Variants in TENM4 observed in about 807,000 individuals in gnomAD.
TENM4 encodes the protein teneurin-4.
A neutral mutation model predicts 243.3 loss-of-function variants in TENM4; 82 were observed. The ratio of observed to expected loss-of-function variants is 0.34; its 90% CI spans 0.28 to 0.40. The LOEUF (loss-of-function observed/expected upper bound fraction) is 0.40, where lower values mean the gene tolerates loss of function less well. TENM4 is among the 10% of genes least tolerant of loss of function. The pLI is 1.00. For missense variants in TENM4, 3,138 were observed against 3,673.3 expected (o/e 0.85, Z 3.77); for synonymous variants, 1,412 against 1,456.3 (o/e 0.97, Z 0.69).
chr11:78,779,372 T>A (rs76612694), intron 16 of TENM4, among the ~76,000 whole-genome samples: 4,058 of 152,320 alleles, frequency 0.027, 186 homozygotes, highest in African/African-American at 0.094. Flanking sequence ...CACTTCTCAA[T>A]GCTTATTAAC....
intron 1 of TENM4, among the ~76,000 whole-genome samples, chr11:79,341,198 G>A (rs1857236037): frequency 6.6e-6 from 1 of 152,198 alleles, no homozygotes; most frequent in Admixed American, 6.5e-5. Context: ...TCCGATCTCA[G>A]GAACTATAAG....
At chr11:78,936,711 T>A (rs1856792953) in intron 6 of TENM4, among the ~76,000 whole-genome samples, 1 of 152,220 alleles carries the variant, frequency 6.6e-6, no homozygotes. Flanking sequence ...AACCAGCAGA[T>A]GTGACAAGAT....
intron 1 of TENM4, among the ~76,000 whole-genome samples, chr11:79,306,452 G>A (rs1856627536): frequency 6.6e-6 from 1 of 152,200 alleles, no homozygotes; most frequent in African/African-American, 2.4e-5. Flanking sequence ...GGGAAGGTGT[G>A]TGGGGAAAGT....
rs78597165 is a variant in TENM4 at position 79,107,640 on chromosome 11, C to T, written c.-65-37631G>A. Among the ~76,000 whole-genome samples the T allele has an allele frequency of 3.4e-3, 515 of 152,312 alleles. 12 individuals carry two copies. Among genetic ancestry groups the T allele is most frequent in the East Asian group, 0.023 (121 of 5,174 alleles). On this transcript the variant is annotated intron_variant, in intron 4 of 33. Coordinates refer to ENST00000278550, the MANE Select transcript of TENM4 (RefSeq NM_001098816.3). ...AAAGATAATGACTTTCCTCAAAGAA[C>T]CTTCCCAGTGGTCTCAGATCACTCC...
In TENM4 at chr11:78,692,339, G is replaced by A. The variant is rs1240018940; in HGVS notation, c.5088-4113C>T. On this transcript the variant is annotated intron_variant, in intron 28 of 33. Coordinates refer to ENST00000278550, the MANE Select transcript of TENM4 (RefSeq NM_001098816.3). Reference sequence around the variant, plus strand: ...CTAGAGGACGGGCACTTGGCTCTGTGTTCCTCCTAACTATCAAGTCTCCAC... The same window carrying A: ...CTAGAGGACGGGCACTTGGCTCTGTATTCCTCCTAACTATCAAGTCTCCAC... 2.0e-5 allele frequency among the ~76,000 whole-genome samples: 3 copies of A among 152,126 alleles called. No homozygotes were observed. In the East Asian group the frequency reaches 5.8e-4, roughly 29 times the overall value.
At chr11:78,743,132 A>G (rs995799635) in intron 19 of TENM4, among the ~76,000 whole-genome samples, 2 of 152,220 alleles carry the variant, frequency 1.3e-5, no homozygotes, top group African/African-American at 4.8e-5. Context: ...AATGGAGCTC[A>G]TGCAATACTT....
chr11:79,358,612 T>C (rs997397961), intron 1 of TENM4, among the ~76,000 whole-genome samples: 2 of 151,896 alleles, frequency 1.3e-5, no homozygotes, highest in African/African-American at 4.8e-5. Flanking sequence ...CTTCCCTTCC[T>C]CCCTTCCTGC....
intron 1 of TENM4, among the ~76,000 whole-genome samples, chr11:79,394,291 T>A (rs570393282): frequency 1.3e-5 from 2 of 152,260 alleles, no homozygotes; most frequent in East Asian, 3.9e-4. Flanking sequence ...CCTGTGGGGA[T>A]GTGAGGAGGG....
rs557346585 is a variant in TENM4, at chr11:78,903,318, G to T, written c.699C>A (p.Ala233=). Residue 233 remains alanine (A), a synonymous_variant, in exon 7 of 34, where the codon GCC becomes GCA. Transcript: ENST00000278550. ...EPPAGGAQEP[A]HAQENWLLNS... ...TGAGCAGCCAGTTCTCCTGGGCGTG[G>T]GCAGGCTCCTGGGCGCCGCCGGCAG... The T allele has an allele frequency of 2.0e-6, 3 of 1,483,722 alleles. No homozygotes were observed. The highest frequency in any genetic ancestry group is 1.5e-5 in the African/African-American group (1 of 68,020). The allele number at this position is 1,483,722 out of a possible 1,614,324, so 91.9% of individuals were successfully genotyped here.
At chr11:79,275,243 C>G (rs1277472) in intron 2 of TENM4, among the ~76,000 whole-genome samples, 78,814 of 128,640 alleles carry the variant, frequency 0.61, 20,854 homozygotes, top group African/African-American at 0.68. Flanking sequence ...GTGTGTGTGT[C>G]TGTGTGTGCG....
chr11:79,160,569 C>G (rs149819961), intron 3 of TENM4, among the ~76,000 whole-genome samples: 1 of 152,040 alleles, frequency 6.6e-6, no homozygotes, highest in Non-Finnish European at 1.5e-5. Flanking sequence ...GAAGAAAAAG[C>G]GGCCCATCTC....
At chr11:79,231,788 C>T (rs1212166951) in intron 2 of TENM4, among the ~76,000 whole-genome samples, 1 of 152,180 alleles carries the variant, frequency 6.6e-6, no homozygotes. Flanking sequence ...AATGAATACT[C>T]CAAGAGGGGG....
chr11:79,026,461 T>C (rs541496763), intron 6 of TENM4, among the ~76,000 whole-genome samples: 1 of 152,254 alleles, frequency 6.6e-6, no homozygotes, highest in Admixed American at 6.5e-5. Flanking sequence ...CATAGGACTA[T>C]TTTCTACCAA....
chr11:78,942,259 CAAAAAAAAAAAAAAAAAAAAAAAA>C (rs56973257), intron 6 of TENM4, among the ~76,000 whole-genome samples: 4 of 11,194 alleles, frequency 3.6e-4, no homozygotes, highest in Non-Finnish European at 5.0e-4. Context: ...CAAAATACAC[CAAAAAAAAAAAAAAAAAAAAAAAA>C]AAAAAAAAAA....
At chr11:79,057,138 C>T (rs1198782261) in intron 6 of TENM4, among the ~76,000 whole-genome samples, 1 of 152,192 alleles carries the variant, frequency 6.6e-6, no homozygotes, top group East Asian at 1.9e-4. Context: ...GCAATAGCTG[C>T]CTACTTCAGC....
rs534827443 is a variant in TENM4, at chr11:79,127,384, T to C, written c.-66+21326A>G. On this transcript the variant is annotated intron_variant, in intron 4 of 33. Transcript: ENST00000278550. ...ACAGATGGATCTTGGAGAATAATAG[T>C]GGATTATTGTAAACTTAACCAAGTA... Among the ~76,000 whole-genome samples, 4 of 149,752 alleles carry C rather than the reference T, an allele frequency of 2.7e-5. No homozygotes were observed. In the South Asian group the frequency reaches 8.4e-4, roughly 31 times the overall value.
intron 3 of TENM4, among the ~76,000 whole-genome samples, chr11:79,179,477 T>C (rs775542356): frequency 1.3e-5 from 2 of 152,238 alleles, no homozygotes; most frequent in Non-Finnish European, 2.9e-5. Flanking sequence ...GCTAATAAAC[T>C]GTTTTAGATA....
At chr11:78,761,632 G>C (rs1856432528) in intron 18 of TENM4, among the ~76,000 whole-genome samples, 2 of 152,068 alleles carry the variant, frequency 1.3e-5, no homozygotes, top group African/African-American at 4.8e-5. Flanking sequence ...TGGGGTTCTA[G>C]GACTGCTCTA....
Position 79,011,185 on chromosome 11 carries a change from C to T in TENM4, c.493+53553G>A, listed in dbSNP as rs572706242. Among the ~76,000 whole-genome samples, 9 of 152,350 alleles carry T rather than the reference C, an allele frequency of 5.9e-5. No individual in the cohort carries two copies. In the South Asian group the frequency reaches 6.2e-4, roughly 11 times the overall value. ...CGTGAATCCAGAACAGATGGGCCCA[C>T]GCATGGGCTCTGCCCCACCCTCCCA... On this transcript the variant is annotated intron_variant, in intron 6 of 33. Coordinates refer to ENST00000278550, the MANE Select transcript of TENM4 (RefSeq NM_001098816.3).
Sources: allele counts gnomAD v4.1 joint callset (sites outside exome capture counted in the v4.1 genomes callset), GRCh38; gene constraint gnomAD v4.1.1; transcripts MANE v1.5; gene names NCBI Gene and HGNC (gene_info 2026-07-23, HGNC 2026-07-21).